The following MGAT4C variants were observed in gnomAD, a reference collection of about 807,000 sequenced individuals.
MGAT4C encodes MGAT4 family member C, also known as alpha-1,3-mannosyl-glycoprotein 4-beta-N-acetylglucosaminyltransferase C.
MGAT4C carries 19 observed loss-of-function variants against 40.1 expected under a neutral mutation model. The ratio of observed to expected loss-of-function variants is 0.47; its 90% CI spans 0.33 to 0.70. The LOEUF (loss-of-function observed/expected upper bound fraction) is 0.70, where lower values mean the gene tolerates loss of function less well. MGAT4C is among the 30% of genes least tolerant of loss of function. The pLI, the probability that MGAT4C is intolerant of heterozygous loss-of-function variation, is 0.02. For synonymous variants in MGAT4C, 181 were observed against 187.1 expected (o/e 0.97, Z 0.27); for missense variants, 491 against 563.2 (o/e 0.87, Z 1.30).
intron 1 of MGAT4C, among the ~76,000 whole-genome samples, chr12:86,221,867 C>T (rs1398333423): frequency 6.6e-6 from 1 of 152,178 alleles, no homozygotes; most frequent in Non-Finnish European, 1.5e-5. Context: ...TTCAAATAAA[C>T]TCTGCTAAAT....
intron 2 of MGAT4C, among the ~76,000 whole-genome samples, chr12:86,490,552 G>A (rs1192054648): frequency 7.3e-5 from 11 of 151,294 alleles, no homozygotes; most frequent in Admixed American, 4.0e-4. Context: ...CATAATGACA[G>A]GATCAAATTC....
chr12:86,742,416 A>C (rs1951081943), intron 1 of MGAT4C, among the ~76,000 whole-genome samples: 1 of 151,572 alleles, frequency 6.6e-6, no homozygotes, highest in Non-Finnish European at 1.5e-5. Context: ...CTTCAGAGTT[A>C]ATAAAAAGTT....
intron 2 of MGAT4C, among the ~76,000 whole-genome samples, chr12:86,042,739 G>C (rs941189183): frequency 8.6e-5 from 13 of 151,710 alleles, no homozygotes; most frequent in Admixed American, 8.5e-4. Flanking sequence ...GTGGTGGCAG[G>C]CACCTGTAGT....
chr12:86,482,002 A>G lies in MGAT4C; in HGVS notation c.-228-46737T>C, dbSNP rs540511102. ...CAGCATATATTAAAATATCCCTGAT[A>G]GTGACAATTTCTAGGTTGTAAAACA... is the stretch of plus-strand genomic sequence containing the variant. On this transcript the variant is annotated intron_variant, in intron 2 of 7. Transcript: ENST00000548651. Among the ~76,000 whole-genome samples the G allele has an allele frequency of 1.4e-3, 209 of 151,544 alleles. 1 individual carries two copies. The highest frequency in any genetic ancestry group is 4.9e-3 in the African/African-American group (203 of 41,366).
rs140521224 is a variant in MGAT4C at position 86,255,150 on chromosome 12, T to C, written c.-57+1089A>G. Among the ~76,000 whole-genome samples the C allele has an allele frequency of 4.6e-5, 7 of 152,202 alleles. No homozygotes were observed. In the East Asian group the frequency reaches 1.4e-3, roughly 29 times the overall value. ...CCATTATTCAAAAGTTTTATAACCC[T>C]AGGAGGAATGGAGATGCTATTAAAA... is the stretch of plus-strand genomic sequence containing the variant. On this transcript the variant is annotated intron_variant, in intron 1 of 4. Transcript: ENST00000611864.
chr12:86,642,481 A>G (rs1963420077), intron 2 of MGAT4C, among the ~76,000 whole-genome samples: 1 of 151,842 alleles, frequency 6.6e-6, no homozygotes, highest in African/African-American at 2.4e-5. Flanking sequence ...TATGTTATAC[A>G]TGATAGAATA....
intron 1 of MGAT4C, chr12:86,068,553 A>G (rs959562898): frequency 3.7e-4 from 55 of 148,332 alleles, no homozygotes; most frequent in African/African-American, 1.3e-3. Context: ...ATATAAATAT[A>G]TATAAGTATA....
At chr12:86,653,096 T>A (rs1430924311) in intron 2 of MGAT4C, among the ~76,000 whole-genome samples, 2 of 151,936 alleles carry the variant, frequency 1.3e-5, no homozygotes, top group Non-Finnish European at 2.9e-5. Flanking sequence ...TTGTGGAGTA[T>A]GCTGTAGAAT....
chr12:86,215,720 A>C (rs570278437), intron 1 of MGAT4C, among the ~76,000 whole-genome samples: 1 of 151,884 alleles, frequency 6.6e-6, no homozygotes, highest in East Asian at 1.9e-4. Context: ...TCCTCGGATA[A>C]ACTCTGCTAA....
At chr12:86,388,683 T>TG (rs974565776) in intron 3 of MGAT4C, among the ~76,000 whole-genome samples, 5 of 146,450 alleles carry the variant, frequency 3.4e-5, no homozygotes, top group African/African-American at 1.0e-4. Flanking sequence ...TTGTTTTTTT[T>TG]TTTTTTTTTT....
intron 2 of MGAT4C, among the ~76,000 whole-genome samples, chr12:86,513,598 T>C (rs894289109): frequency 2.6e-5 from 4 of 152,166 alleles, no homozygotes; most frequent in East Asian, 1.9e-4. Context: ...TTTGAACATA[T>C]AGTGCCAGAA....
intron 1 of MGAT4C, among the ~76,000 whole-genome samples, chr12:86,835,922 C>T (rs1953028525): frequency 6.6e-6 from 1 of 151,632 alleles, no homozygotes; most frequent in East Asian, 1.9e-4. Context: ...CTAGAACATC[C>T]TTATGGGAAA....
At chr12:86,153,017 A>G (rs1884488324) in intron 1 of MGAT4C, among the ~76,000 whole-genome samples, 1 of 152,096 alleles carries the variant, frequency 6.6e-6, no homozygotes, top group African/African-American at 2.4e-5. Flanking sequence ...GATAGTACAA[A>G]CTGTTACATT....
chr12:86,321,858 G>C (rs550452191), intron 4 of MGAT4C, among the ~76,000 whole-genome samples: 48 of 152,066 alleles, frequency 3.2e-4, no homozygotes, highest in African/African-American at 9.4e-4. Flanking sequence ...TTTGACCCAG[G>C]CATCCCATTA....
chr12:86,707,812 T>G (rs565370877), intron 2 of MGAT4C, among the ~76,000 whole-genome samples: 1 of 152,262 alleles, frequency 6.6e-6, no homozygotes, highest in East Asian at 1.9e-4. Context: ...ATTACAGGCA[T>G]GAGCCTCCAT....
chr12:86,769,992 C>A (rs1009127985), intron 1 of MGAT4C, among the ~76,000 whole-genome samples: 1 of 151,616 alleles, frequency 6.6e-6, no homozygotes, highest in Non-Finnish European at 1.5e-5. Context: ...TGCACATGTA[C>A]CCTAAAACTG....
intron 1 of MGAT4C, among the ~76,000 whole-genome samples, chr12:86,743,632 A>C (rs1951107830): frequency 2.0e-5 from 3 of 151,524 alleles, no homozygotes; most frequent in East Asian, 2.0e-4. Context: ...TAATGAATAC[A>C]TTTCCTTAAT....
intron 3 of MGAT4C, among the ~76,000 whole-genome samples, chr12:86,383,948 G>A (rs1419421042): frequency 6.6e-6 from 1 of 152,150 alleles, no homozygotes; most frequent in Non-Finnish European, 1.5e-5. Context: ...CCCATGTGTT[G>A]TGGGAGGGAT....
chr12:86,061,381 T>G (rs1382905869), intron 1 of MGAT4C, among the ~76,000 whole-genome samples: 1 of 152,128 alleles, frequency 6.6e-6, no homozygotes, highest in Non-Finnish European at 1.5e-5. Context: ...GGAGATTCCC[T>G]TGGTGCCTAT....
Sources: gnomAD v4.1 joint callset for allele counts (sites outside exome capture counted in the v4.1 genomes callset) on GRCh38, gnomAD v4.1.1 for gene constraint, MANE v1.5 for transcripts, NCBI Gene and HGNC (gene_info 2026-07-23, HGNC 2026-07-21) for gene names.